Variants in CDK13 observed in about 807,000 individuals in gnomAD.
CDK13 encodes cyclin dependent kinase 13, also known as cyclin-dependent kinase 13.
CDK13 carries 40 observed loss-of-function variants against 137.6 expected under a neutral mutation model. The observed-to-expected ratio is 0.29, with a 90% CI of 0.23 to 0.38. The LOEUF (loss-of-function observed/expected upper bound fraction) is 0.38, where lower values mean the gene tolerates loss of function less well. CDK13 is among the 10% of genes least tolerant of loss of function. The probability of loss-of-function intolerance (pLI) is 1.00; values close to 1 mark genes in which losing one functional copy is unlikely to be tolerated. For synonymous variants in CDK13, 869 were observed against 760.1 expected (o/e 1.14, Z -2.36); for missense variants, 1,704 against 1,951.8 (o/e 0.87, Z 2.39).
chr7:39,989,488 T>A (rs1248893538), intron 2 of CDK13, among the ~76,000 whole-genome samples: 1 of 152,154 alleles, frequency 6.6e-6, no homozygotes, highest in Non-Finnish European at 1.5e-5. Context: ...ATTTTATAAT[T>A]TAACACAAAC....
Position 40,094,187 on chromosome 7 carries a change from C to T in CDK13, c.3746C>T (p.Pro1249Leu), listed in dbSNP as rs140222147. 1 of 1,614,022 alleles carries T rather than the reference C, an allele frequency of 6.2e-7. No individual in the cohort carries two copies. The highest frequency in any genetic ancestry group is 8.5e-7 in the Non-Finnish European group (1 of 1,180,012). Residue 1249 changes from proline to leucine, a missense_variant, in exon 14 of 14, where the codon CCA (proline) becomes CTA (leucine). This residue lies in a region of CDK13 where 475 missense variants were observed against 579.3 expected (regional missense o/e 0.82). Coordinates refer to ENST00000181839, the MANE Select transcript of CDK13 (RefSeq NM_003718.5). ...AGGATCTTGGAGCTAACGCCAGAAC[C>T]AGACCGGCCTCGAATTCTGCCTCCT... ...DMRILELTPE[P>L]DRPRILPPDQ...
chr7:40,001,064 A>G (rs777516680), intron 4 of CDK13, among the ~76,000 whole-genome samples: 1 of 152,156 alleles, frequency 6.6e-6, no homozygotes, highest in South Asian at 2.1e-4. Context: ...TGGTCAAGTA[A>G]TATGTCTGAG....
At chr7:39,989,784 C>CT (rs1337667375) in intron 2 of CDK13, among the ~76,000 whole-genome samples, 1,467 of 138,922 alleles carry the variant, frequency 0.011, 16 homozygotes, top group African/African-American at 0.026. Flanking sequence ...CTACTTTATC[C>CT]TTTTTTTTTT....
At chr7:39,984,573 G>A (rs1489982648) in intron 1 of CDK13, 1 of 151,976 alleles carries the variant, frequency 6.6e-6, no homozygotes, top group East Asian at 1.9e-4. Flanking sequence ...GTCATGTCAG[G>A]GTAAATGGGG....
intron 1 of CDK13, among the ~76,000 whole-genome samples, chr7:39,974,080 A>G (rs1236309372): frequency 6.6e-6 from 1 of 152,168 alleles, no homozygotes; most frequent in Non-Finnish European, 1.5e-5. Context: ...GGCATTTTCA[A>G]ATGAATTTTA....
chr7:40,012,462 A>G (rs545031431), intron 5 of CDK13, among the ~76,000 whole-genome samples: 2 of 152,186 alleles, frequency 1.3e-5, no homozygotes, highest in Admixed American at 1.3e-4. Flanking sequence ...TAACCAGGTG[A>G]GGTGGCACAT....
chr7:40,058,847 A>T (rs1786078710), intron 7 of CDK13, among the ~76,000 whole-genome samples: 1 of 152,168 alleles, frequency 6.6e-6, no homozygotes, highest in African/African-American at 2.4e-5. Flanking sequence ...TGGATTGTGA[A>T]TGTCTTAAAG....
chr7:39,999,329 G>A, intron 3 of CDK13, 32 bp from the exon 4 acceptor site: 1 of 1,560,502 alleles, frequency 6.4e-7, no homozygotes, highest in Non-Finnish European at 8.7e-7. Flanking sequence ...TTGCTTGATT[G>A]TATATAAAAA....
Position 40,098,464 on chromosome 7 carries a change from A to G in CDK13, c.*3484A>G, listed in dbSNP as rs2150551043. On this transcript the variant is annotated 3_prime_UTR_variant, in exon 14 of 14. Transcript: ENST00000181839. ...CTTGTAGGACATAGGTAAAAAAAAC[A>G]AAGCTGAAATATATGTTTTGAATAT... is the stretch of plus-strand genomic sequence containing the variant. 1 of 151,928 alleles carries G rather than the reference A, an allele frequency of 6.6e-6. No individual in the cohort carries two copies. The highest frequency in any genetic ancestry group is 1.9e-4 in the East Asian group (1 of 5,190). The allele number at this position is 151,928 out of a possible 1,614,324, so 9.4% of individuals were successfully genotyped here. A position where few individuals can be genotyped will look rare whatever the true frequency, so the allele number is the denominator to read the frequency against.
At chr7:40,065,529 G>C (rs10254596) in intron 9 of CDK13, among the ~76,000 whole-genome samples, 36,965 of 151,774 alleles carry the variant, frequency 0.24, 5,210 homozygotes, top group South Asian at 0.4. Flanking sequence ...ATTTGTGTTG[G>C]GCTGCATTCG....
chr7:39,983,072 T>C lies in CDK13; in HGVS notation c.1212-4527T>C, dbSNP rs192668153. Among the ~76,000 whole-genome samples the C allele has an allele frequency of 2.2e-3, 337 of 152,338 alleles. 1 individual carries two copies. The highest frequency in any genetic ancestry group is 7.7e-3 in the African/African-American group (320 of 41,580). ...TTTGTTGCCATTGCTTTTGGTGTTT[T>C]ATTAGACATGAAGTCCTTGCCCATG... On this transcript the variant is annotated intron_variant, in intron 1 of 13. Transcript: ENST00000181839.
At chr7:40,056,273 T>A (rs976899296) in intron 7 of CDK13, among the ~76,000 whole-genome samples, 7 of 152,334 alleles carry the variant, frequency 4.6e-5, no homozygotes, top group Admixed American at 3.9e-4. Context: ...GTGTTTTTCC[T>A]TGTCCTTAGT....
intron 2 of CDK13, among the ~76,000 whole-genome samples, chr7:39,990,142 T>G (rs922346086): frequency 6.6e-6 from 1 of 152,230 alleles, no homozygotes; most frequent in Non-Finnish European, 1.5e-5. Context: ...TTTCAAGAAC[T>G]CTTACGTATA....
At position 39,951,001 on chromosome 7, in the gene CDK13, C is replaced by T. The variant is rs1214793568; in HGVS notation, c.360C>T (p.Val120=). 2.1e-5 allele frequency: 27 copies of T among 1,307,284 alleles called. No individual in the cohort carries two copies. The highest frequency in any genetic ancestry group is 2.3e-5 in the Non-Finnish European group (24 of 1,031,872). 81.0% of individuals were successfully genotyped at this position (1,307,284 alleles called of 1,614,324 possible). ...GGCAGGAGGCGGAGAAGCGTCGGGT[C>T]TTCTCGCTGCCCCAGCCGCAGCAGG... The part of the protein sequence containing the change: ...RAGQEAEKRR[V]FSLPQPQQDG... Residue 120 remains valine (V), a synonymous_variant, in exon 1 of 14, where the codon GTC becomes GTT. Coordinates refer to ENST00000181839, the MANE Select transcript of CDK13 (RefSeq NM_003718.5).
chr7:40,032,336 G>A (rs1233559087), intron 5 of CDK13, among the ~76,000 whole-genome samples: 1 of 152,212 alleles, frequency 6.6e-6, no homozygotes, highest in Non-Finnish European at 1.5e-5. Flanking sequence ...CTCCCAAAGT[G>A]CTGGGATTAT....
chr7:40,032,040 GA>G (rs1461229062), intron 5 of CDK13, among the ~76,000 whole-genome samples: 10 of 151,784 alleles, frequency 6.6e-5, no homozygotes, highest in Non-Finnish European at 1.3e-4. Flanking sequence ...AGTGTCTTTT[GA>G]AGAGCAGAAG....
rs1298012380 is a variant in CDK13 at position 39,950,716 on chromosome 7, C to T, written c.75C>T (p.Arg25=). The change falls in exon 1 of 14, where the codon CGC becomes CGT. Residue 25 remains arginine, a synonymous_variant. Transcript: ENST00000181839. The part of the protein sequence containing the change: ...LSWAEKKLEE[R]RKRRRFLSPQ... ...GGGCGGAGAAGAAGTTGGAGGAACG[C>T]CGCAAGCGGAGGCGATTCCTGTCCC... is the stretch of plus-strand genomic sequence containing the variant. The T allele has an allele frequency of 2.1e-6, 3 of 1,458,244 alleles. No homozygotes were observed. Among genetic ancestry groups the T allele is most frequent in the Non-Finnish European group, 2.7e-6 (3 of 1,111,618 alleles). 90.3% of individuals were successfully genotyped at this position (1,458,244 alleles called of 1,614,324 possible).
chr7:40,030,111 G>A (rs1785336835), intron 5 of CDK13, among the ~76,000 whole-genome samples: 1 of 152,086 alleles, frequency 6.6e-6, no homozygotes, highest in Non-Finnish European at 1.5e-5. Flanking sequence ...TCTCTTTTAA[G>A]TACTAACCAT....
intron 9 of CDK13, chr7:40,072,292 A>T (rs1227390470): frequency 6.6e-6 from 1 of 152,132 alleles, no homozygotes; most frequent in African/African-American, 2.4e-5. Flanking sequence ...ACACCCGGCT[A>T]ATTTTTGTAT....
Sources: gnomAD v4.1 joint callset for allele counts (sites outside exome capture counted in the v4.1 genomes callset) on GRCh38, gnomAD v4.1.1 for gene constraint, gnomAD v4.1.1 regional missense constraint, MANE v1.5 for transcripts, NCBI Gene and HGNC (gene_info 2026-07-23, HGNC 2026-07-21) for gene names.